The following PRH1 variants were observed in gnomAD, a reference collection of about 807,000 sequenced individuals.
PRH1 encodes the protein proline rich protein HaeIII subfamily 1, also known as salivary acidic proline-rich phosphoprotein 1/2.
Under a neutral mutation model 7.9 loss-of-function variants are expected in PRH1, and 7 were observed. The observed-to-expected ratio is 0.89, with a 90% CI of 0.50 to 1.67. PRH1 has a LOEUF of 1.67. PRH1 is among the 40% of genes most tolerant of loss of function. The pLI is 0.00. For missense variants in PRH1, 109 were observed against 223.6 expected, an observed-to-expected ratio of 0.49 and a Z score of 3.27; for synonymous variants, 45 against 80.8, an observed-to-expected ratio of 0.56 and a Z score of 2.38.
At chr12:11,110,972 T>C (rs1255960686) in intron 1 of PRH1, among the ~76,000 whole-genome samples, 1 of 151,972 alleles carries the variant, frequency 6.6e-6, no homozygotes, top group African/African-American at 2.4e-5. Context: ...ACCACACAAA[T>C]GGAAAGCAAA....
At chr12:11,145,913 A>C (rs1946846033) in intron 1 of PRH1, among the ~76,000 whole-genome samples, 1 of 152,182 alleles carries the variant, frequency 6.6e-6, no homozygotes, top group Non-Finnish European at 1.5e-5. Flanking sequence ...TAATGTTAAC[A>C]AACTATACAT....
chr12:11,156,140 T>C (rs1288122615), intron 1 of PRH1, among the ~76,000 whole-genome samples: 1 of 152,216 alleles, frequency 6.6e-6, no homozygotes, highest in East Asian at 1.9e-4. Context: ...CCTTTTGAAT[T>C]TCTGTTTATG....
intron 2 of PRH1, among the ~76,000 whole-genome samples, chr12:10,902,413 A>G (rs1042752308): frequency 3.3e-5 from 5 of 152,210 alleles, no homozygotes; most frequent in Admixed American, 2.6e-4. Flanking sequence ...CCTGAGAAAG[A>G]AGGAGAAATA....
In PRH1 at chr12:10,997,418, A is replaced by T. The variant is rs767656637; in HGVS notation, c.-125-23697T>A. 5.0e-6 allele frequency: 8 copies of T among 1,613,952 alleles called. No homozygotes were observed. Among genetic ancestry groups the T allele is most frequent in the Non-Finnish European group, 6.8e-6 (8 of 1,179,994 alleles). ...GTTTCCTTCACATTCTTCTGTCCAC[A>T]CATTTATATACGTGTGTTTCATCAC... On this transcript the variant is annotated intron_variant, in intron 1 of 3. Transcript: ENST00000539853.
chr12:11,131,099 C>A (rs888738934), intron 1 of PRH1, among the ~76,000 whole-genome samples: 4 of 151,458 alleles, frequency 2.6e-5, no homozygotes, highest in African/African-American at 7.3e-5. Context: ...TGATGTAAGA[C>A]AGAACAACAG....
At chr12:11,113,212 A>G (rs1945639547) in intron 1 of PRH1, among the ~76,000 whole-genome samples, 1 of 152,052 alleles carries the variant, frequency 6.6e-6, no homozygotes, top group Admixed American at 6.6e-5. Context: ...GGAAAACACT[A>G]CTTAGAAATT....
intron 1 of PRH1, among the ~76,000 whole-genome samples, chr12:11,096,800 G>A (rs1229858466): frequency 3.5e-5 from 4 of 113,462 alleles, no homozygotes; most frequent in South Asian, 2.4e-4. Flanking sequence ...TTTTTTTGTT[G>A]TTGTTGTTGT....
chr12:11,033,400 AC>A (rs1255767395), intron 1 of PRH1, among the ~76,000 whole-genome samples: 2 of 151,750 alleles, frequency 1.3e-5, no homozygotes, highest in African/African-American at 4.8e-5. Flanking sequence ...ACAAAACAAA[AC>A]AAAAAACCAA....
chr12:11,153,475 C>G (rs922975863), intron 1 of PRH1, among the ~76,000 whole-genome samples: 1 of 152,090 alleles, frequency 6.6e-6, no homozygotes, highest in Admixed American at 6.6e-5. Flanking sequence ...TTGGGGTGGG[C>G]CTGTAATGGC....
intron 1 of PRH1, among the ~76,000 whole-genome samples, chr12:11,045,851 G>T (rs1378825711): frequency 6.6e-6 from 1 of 151,804 alleles, no homozygotes; most frequent in Middle Eastern, 3.4e-3. Flanking sequence ...TTCTAGTTAA[G>T]TTGGAATACT....
intron 1 of PRH1, chr12:10,997,230 A>G: frequency 6.2e-7 from 1 of 1,613,954 alleles, no homozygotes; most frequent in Non-Finnish European, 8.5e-7. Context: ...GGATCTTGAG[A>G]TCCTTTGCCA....
In PRH1 at chr12:11,104,054, C is replaced by T. The variant is rs117908641; in HGVS notation, n.124-56866G>A. On this transcript the variant is annotated intron_variant and non_coding_transcript_variant, in intron 1 of 4. Coordinates refer to the PRH1 transcript ENST00000541977. ...TGTACCACCACTACCACTCCCCCATCCAACTTCATTGAGTGCTTTTGATGT... is the reference window on the plus strand; with the variant it reads ...TGTACCACCACTACCACTCCCCCATTCAACTTCATTGAGTGCTTTTGATGT... Among the ~76,000 whole-genome samples, 1,440 of 152,154 alleles carry T rather than the reference C, an allele frequency of 9.5e-3. 16 individuals carry two copies. Among genetic ancestry groups the T allele is most frequent in the Middle Eastern group, 0.041 (12 of 294 alleles).
chr12:11,146,938 T>C (rs1946878951), intron 1 of PRH1, among the ~76,000 whole-genome samples: 2 of 152,202 alleles, frequency 1.3e-5, no homozygotes, highest in Non-Finnish European at 2.9e-5. Context: ...CATCCTTCTG[T>C]GCCAAAATTC....
intron 1 of PRH1, among the ~76,000 whole-genome samples, chr12:11,093,459 G>A (rs1325731127): frequency 1.7e-5 from 2 of 115,806 alleles, no homozygotes; most frequent in African/African-American, 5.8e-5. Context: ...AATAAAAAAT[G>A]AGTTTCCAAG....
At chr12:11,152,253 C>G (rs1027408204) in intron 1 of PRH1, among the ~76,000 whole-genome samples, 1 of 124,370 alleles carries the variant, frequency 8.0e-6, no homozygotes. Flanking sequence ...CCACAACAGG[C>G]CCCGGTGTGT....
rs763260679 is a variant in PRH1, at chr12:11,030,957, T to G, written c.-126+16063A>C. ...CCCAACAGCATCACCAGAATGACAC[T>G]CTTAACTCTCCTCTTTAAGTGAAGA... On this transcript the variant is annotated intron_variant, in intron 1 of 3. Coordinates refer to the PRH1 transcript ENST00000539853. 5.0e-6 allele frequency: 8 copies of G among 1,614,166 alleles called. No individual in the cohort carries two copies. The South Asian group carries it at 7.7e-5, about 16-fold the overall frequency.
intron 1 of PRH1, chr12:10,997,747 TGAG>T (rs1940362517): frequency 6.2e-7 from 1 of 1,613,822 alleles, no homozygotes; most frequent in African/African-American, 1.3e-5. Context: ...TTTGATCAGC[TGAG>T]GAGATCTTTT....
intron 1 of PRH1, among the ~76,000 whole-genome samples, chr12:11,139,654 A>T (rs541791877): frequency 6.6e-6 from 1 of 152,160 alleles, no homozygotes; most frequent in Admixed American, 6.5e-5. Context: ...TCCATTGTAT[A>T]AGTATGCCAT....
intron 1 of PRH1, among the ~76,000 whole-genome samples, chr12:11,145,638 A>G (rs182844990): frequency 2.8e-4 from 43 of 152,154 alleles, no homozygotes; most frequent in African/African-American, 9.6e-4. Flanking sequence ...AATTTGGGAA[A>G]CTCCACATAG....
Sources: allele counts gnomAD v4.1 joint callset (sites outside exome capture counted in the v4.1 genomes callset), GRCh38; gene constraint gnomAD v4.1.1; transcripts MANE v1.5; gene names NCBI Gene and HGNC (gene_info 2026-07-23, HGNC 2026-07-21).